Variants in CR1L observed in about 807,000 individuals in gnomAD.
CR1L encodes the protein complement component receptor 1-like protein.
Under a neutral mutation model 62.3 loss-of-function variants are expected in CR1L, and 59 were observed. That is an observed-to-expected ratio of 0.95 (90% CI 0.77 to 1.18). The LOEUF (loss-of-function observed/expected upper bound fraction) is 1.18, where lower values mean the gene tolerates loss of function less well. CR1L is among the 50% of genes most tolerant of loss of function. CR1L has a pLI of 0.00. For missense variants in CR1L, 700 were observed against 702.8 expected, an observed-to-expected ratio of 1.00 and a Z score of 0.04; for synonymous variants, 279 against 248.7, an observed-to-expected ratio of 1.12 and a Z score of -1.15.
chr1:207,688,148 G>A (rs1409089723), intron 4 of CR1L, among the ~76,000 whole-genome samples: 1 of 152,160 alleles, frequency 6.6e-6, no homozygotes, highest in Non-Finnish European at 1.5e-5. Flanking sequence ...AGTGGCACAT[G>A]CCTGTAAGTC....
chr1:207,662,116 T>C (rs2102446648), intron 1 of CR1L, among the ~76,000 whole-genome samples: 1 of 152,256 alleles, frequency 6.6e-6, no homozygotes, highest in Middle Eastern at 3.4e-3. Context: ...AATCTGACAA[T>C]TATGTGTCTT....
chr1:207,697,383 G>C, intron 5 of CR1L, 120 bp from the exon 6 acceptor site: 1 of 1,584,626 alleles, frequency 6.3e-7, no homozygotes, highest in Non-Finnish European at 8.6e-7. Context: ...ATGTAATAAG[G>C]CTGTTATTCT....
intron 10 of CR1L, among the ~76,000 whole-genome samples, chr1:207,713,953 T>C (rs928286730): frequency 1.3e-5 from 2 of 152,168 alleles, no homozygotes; most frequent in African/African-American, 4.8e-5. Flanking sequence ...GACCTGCTGG[T>C]GCTTCCTGTT....
At chr1:207,665,178 C>T (rs1317663320) in intron 1 of CR1L, among the ~76,000 whole-genome samples, 3 of 151,880 alleles carry the variant, frequency 2.0e-5, no homozygotes, top group East Asian at 1.9e-4. Flanking sequence ...CTCAGCCTCC[C>T]GAGTAGCTGG....
At chr1:207,669,496 G>C in intron 1 of CR1L, 1 of 1,581,920 alleles carries the variant, frequency 6.3e-7, no homozygotes, top group African/African-American at 1.4e-5. Context: ...GCCGGCGCCC[G>C]GTCTCCCCTT....
intron 1 of CR1L, among the ~76,000 whole-genome samples, chr1:207,651,474 G>A (rs1222907811): frequency 6.6e-6 from 1 of 152,008 alleles, no homozygotes; most frequent in South Asian, 2.1e-4. Flanking sequence ...CCATGACCAG[G>A]GAGTAAGAAA....
Position 207,697,883 on chromosome 1 carries a change from A to C in CR1L, c.1142+10A>C, listed in dbSNP as rs534701998. ...TTGTTTGTGATGAAGGGTGAGTATG[A>C]GCTTGCCTGACCTGCTGGACATTGA... On this transcript the variant is annotated intron_variant, in intron 7 of 11. Coordinates refer to ENST00000508064, the MANE Select transcript of CR1L (RefSeq NM_175710.2). 3 of 1,613,820 alleles carry C rather than the reference A, an allele frequency of 1.9e-6. No homozygotes were observed. The highest frequency in any genetic ancestry group is 2.2e-5 in the East Asian group (1 of 44,884).
intron 1 of CR1L, among the ~76,000 whole-genome samples, chr1:207,671,990 G>C (rs1447584356): frequency 6.6e-6 from 1 of 150,768 alleles, no homozygotes; most frequent in Non-Finnish European, 1.5e-5. Context: ...CAGAGAACAA[G>C]AGAAGAAAGA....
chr1:207,723,216 G>C (rs1654176410), intron 11 of CR1L, among the ~76,000 whole-genome samples: 1 of 152,168 alleles, frequency 6.6e-6, no homozygotes, highest in African/African-American at 2.4e-5. Context: ...CAGATCACGA[G>C]GTCAGGAGAT....
At chr1:207,655,665 C>T (rs997484367) in intron 1 of CR1L, among the ~76,000 whole-genome samples, 5 of 152,060 alleles carry the variant, frequency 3.3e-5, no homozygotes, top group African/African-American at 7.2e-5. Flanking sequence ...CTTGAACTCC[C>T]GTGCTCAAGC....
Position 207,708,246 on chromosome 1 carries a change from A to G in CR1L, c.1397A>G (p.Lys466Arg). 1 of 1,611,384 alleles carries G rather than the reference A, an allele frequency of 6.2e-7. No individual in the cohort carries two copies. ...GGCAATACTGCCCATTGGAGCATGA[A>G]GCCACCAATTTGTCAACGTGAGTTG... ...LSGNTAHWSMKPPICQQIFCP... is the reference protein window; with the variant it reads ...LSGNTAHWSMRPPICQQIFCP... Residue 466 changes from lysine (K) to arginine (R), a missense_variant, in exon 10 of 12, where the codon AAG (lysine) becomes AGG (arginine). Physicochemically the swap from Lys to Arg is conservative, Grantham distance 26. Transcript: ENST00000508064.
chr1:207,647,965 C>T (rs1663157552), intron 1 of CR1L, among the ~76,000 whole-genome samples: 2 of 152,068 alleles, frequency 1.3e-5, no homozygotes, highest in East Asian at 3.9e-4. Flanking sequence ...TACATACAGC[C>T]TGGGCATCAT....
intron 4 of CR1L, among the ~76,000 whole-genome samples, chr1:207,689,264 C>T (rs1479365242): frequency 6.6e-6 from 1 of 151,990 alleles, no homozygotes; most frequent in African/African-American, 2.4e-5. Context: ...TAATATATTA[C>T]ATTGATTGAT....
chr1:207,672,557 C>T (rs1171082751), intron 1 of CR1L, among the ~76,000 whole-genome samples: 3 of 151,838 alleles, frequency 2.0e-5, no homozygotes, highest in Non-Finnish European at 2.9e-5. Context: ...TCAACAGCAC[C>T]ATCAATCCAC....
intron 1 of CR1L, among the ~76,000 whole-genome samples, chr1:207,670,053 A>G (rs1241649436): frequency 6.6e-6 from 1 of 151,068 alleles, no homozygotes; most frequent in Admixed American, 6.6e-5. Context: ...TTGCTGCCTC[A>G]GTGGCATAAA....
chr1:207,698,196 C>G (rs541470631), intron 7 of CR1L, among the ~76,000 whole-genome samples: 1 of 152,156 alleles, frequency 6.6e-6, no homozygotes, highest in Admixed American at 6.5e-5. Context: ...AATTTCAAAA[C>G]AGCAAATAGA....
chr1:207,663,347 G>A (rs983691927), intron 1 of CR1L, among the ~76,000 whole-genome samples: 1 of 152,172 alleles, frequency 6.6e-6, no homozygotes, highest in Non-Finnish European at 1.5e-5. Flanking sequence ...GCAATGGTGG[G>A]CGCCCCTCCC....
At chr1:207,662,677 C>T (rs975290981) in intron 1 of CR1L, among the ~76,000 whole-genome samples, 3 of 152,204 alleles carry the variant, frequency 2.0e-5, no homozygotes, top group Non-Finnish European at 2.9e-5. Flanking sequence ...CAGCTTTGTT[C>T]CTTTGCTGGT....
At chr1:207,659,480 T>C (rs1409953972) in intron 1 of CR1L, among the ~76,000 whole-genome samples, 1 of 152,214 alleles carries the variant, frequency 6.6e-6, no homozygotes, top group Non-Finnish European at 1.5e-5. Flanking sequence ...TTTTTTAGAA[T>C]TAAGTTTTGT....
Sources: allele counts gnomAD v4.1 joint callset (sites outside exome capture counted in the v4.1 genomes callset), GRCh38; gene constraint gnomAD v4.1.1; transcripts MANE v1.5; gene names NCBI Gene and HGNC (gene_info 2026-07-23, HGNC 2026-07-21).